Variants in GPAT3 observed in about 807,000 individuals in gnomAD.
GPAT3 encodes the protein 1-AGP acyltransferase 9.
Under a neutral mutation model 58.8 loss-of-function variants are expected in GPAT3, and 53 were observed. That is an observed-to-expected ratio of 0.90 (90% confidence interval 0.72 to 1.13). The LOEUF is 1.13. Among genes scored for constraint, GPAT3 ranks in the 50% most tolerant of loss-of-function variants. The probability of loss-of-function intolerance (pLI) is 0.00; values close to 1 mark genes in which losing one functional copy is unlikely to be tolerated. For missense variants in GPAT3, 511 were observed against 527.6 expected, an observed-to-expected ratio of 0.97 and a Z score of 0.31; for synonymous variants, 197 against 187.4, an observed-to-expected ratio of 1.05 and a Z score of -0.42.
Position 83,579,118 on chromosome 4 carries a change from CCTTCCTTCCTTT to C in GPAT3, c.209-2440_209-2429del, listed in dbSNP as rs1352777180. ...TCCTTCCTTCCTTCCTTCCTTCCTTCCTTCCTTCCTTTCTTTCTCCCTCCCTCCCTCTCTCTC... is the reference window on the plus strand; with the variant it reads ...TCCTTCCTTCCTTCCTTCCTTCCTTCCTTTCTCCCTCCCTCCCTCTCTCTC... On this transcript the variant is annotated intron_variant, in intron 2 of 11. Transcript: ENST00000264409. Among the ~76,000 whole-genome samples, 1,195 of 120,872 alleles carry C rather than the reference CCTTCCTTCCTTT, an allele frequency of 9.9e-3. 96 individuals are homozygous for C. The highest frequency in any genetic ancestry group is 0.022 in the South Asian group (70 of 3,206). The allele number at this position is 120,872 out of a possible 152,430, so 79.3% of individuals were successfully genotyped here.
At chr4:83,546,815 T>TATTAG (rs1190159536) in intron 2 of GPAT3, among the ~76,000 whole-genome samples, 1 of 152,166 alleles carries the variant, frequency 6.6e-6, no homozygotes, top group African/African-American at 2.4e-5. Context: ...TCGGCTCTGA[T>TATTAG]ATGTACTGCT....
At chr4:83,539,949 G>C (rs574879286) in intron 1 of GPAT3, among the ~76,000 whole-genome samples, 1 of 152,188 alleles carries the variant, frequency 6.6e-6, no homozygotes, top group South Asian at 2.1e-4. Flanking sequence ...CTTGAGATTA[G>C]GAATTTGAGA....
Position 83,587,353 on chromosome 4 carries a change from C to T in GPAT3, c.554+24C>T, listed in dbSNP as rs200730349. ...AGGTGAAATGTTTCCTTCCATCCAG[C>T]CATATATAGGACTGTCTTTTTTCTT... On this transcript the variant is annotated intron_variant, in intron 4 of 11. Coordinates refer to ENST00000264409, the MANE Select transcript of GPAT3 (RefSeq NM_032717.5). 232 of 1,593,290 alleles carry T rather than the reference C, an allele frequency of 1.5e-4. 1 individual carries two copies. In the East Asian group the frequency reaches 3.7e-3, roughly 25 times the overall value.
intron 2 of GPAT3, among the ~76,000 whole-genome samples, chr4:83,572,767 G>A (rs1278076523): frequency 1.3e-5 from 2 of 152,166 alleles, no homozygotes; most frequent in Admixed American, 6.5e-5. Context: ...ATTTAAAAAT[G>A]TTTGGGAAGG....
chr4:83,574,084 G>T (rs1053336368), intron 2 of GPAT3, among the ~76,000 whole-genome samples: 13 of 152,186 alleles, frequency 8.5e-5, no homozygotes, highest in African/African-American at 3.1e-4. Flanking sequence ...TTATGACTGG[G>T]TGGGGTTCTT....
chr4:83,589,085 G>T (rs62303972), intron 5 of GPAT3, among the ~76,000 whole-genome samples: 1,879 of 152,288 alleles, frequency 0.012, 15 homozygotes, highest in Middle Eastern at 0.027. Context: ...TAAATTATAT[G>T]ATGTTGCAAT....
chr4:83,536,816 C>G, intron 1 of GPAT3, 53 bp downstream of exon 1: 1 of 1,535,196 alleles, frequency 6.5e-7, no homozygotes, highest in Non-Finnish European at 8.8e-7. Context: ...GCTGAGAACC[C>G]GGGGGTCCAG....
At chr4:83,563,482 T>C (rs1247267102) in intron 2 of GPAT3, among the ~76,000 whole-genome samples, 38 of 141,438 alleles carry the variant, frequency 2.7e-4, no homozygotes, top group Non-Finnish European at 4.5e-4. Flanking sequence ...TTTCTTCTTT[T>C]TTTTTTTTTT....
chr4:83,568,222 G>T (rs932002316), intron 2 of GPAT3, among the ~76,000 whole-genome samples: 15 of 152,018 alleles, frequency 9.9e-5, no homozygotes, highest in African/African-American at 3.6e-4. Context: ...ATGTTACTAG[G>T]GGGAGCGTGA....
At position 83,596,928 on chromosome 4, in the gene GPAT3, G is replaced by A. The variant is rs757962863; in HGVS notation, c.910+15G>A. 6.3e-7 allele frequency: 1 copy of A among 1,596,930 alleles called. No homozygotes were observed. The highest frequency in any genetic ancestry group is 1.1e-5 in the South Asian group (1 of 88,242). ...TTTTCCTGAAGGTAAGAATGGGCCT[G>A]CCTCCCGAGCTATAGTTGATAACAA... On this transcript the variant is annotated intron_variant, in intron 8 of 11. Coordinates refer to ENST00000264409, the MANE Select transcript of GPAT3 (RefSeq NM_032717.5).
In GPAT3 at chr4:83,597,054, T is replaced by G. The variant is rs532243908; in HGVS notation, c.910+141T>G. The G allele has an allele frequency of 5.6e-5, 40 of 712,058 alleles. No individual in the cohort carries two copies. The South Asian group carries it at 6.7e-4, about 12-fold the overall frequency. The allele number at this position is 712,058 out of a possible 1,614,324, so 44.1% of individuals were successfully genotyped here. On this transcript the variant is annotated intron_variant, in intron 8 of 11. Transcript: ENST00000264409. ...GAATGGGATGGCACTCTCTGAGTTA[T>G]TAATTCCTTGCTTTCTTTTGAGACT...
chr4:83,587,175 A>G lies in GPAT3; in HGVS notation c.480-80A>G, dbSNP rs941367205. On this transcript the variant is annotated intron_variant, in intron 3 of 11. Transcript: ENST00000264409. ...TGTGGATACTCTACAACTTATTTAC[A>G]ATTTTATTATTTAGGAACTTTTTGG... is the stretch of plus-strand genomic sequence containing the variant. The G allele has an allele frequency of 8.9e-6, 10 of 1,125,356 alleles. No homozygotes were observed. The African/African-American group carries it at 9.4e-5, about 11-fold the overall frequency. 69.7% of individuals were successfully genotyped at this position (1,125,356 alleles called of 1,614,324 possible). A position where few individuals can be genotyped will look rare whatever the true frequency, so the allele number is the denominator to read the frequency against.
chr4:83,547,883 G>T, intron 2 of GPAT3, among the ~76,000 whole-genome samples: 1 of 141,360 alleles, frequency 7.1e-6, no homozygotes. Flanking sequence ...GATGGGGTCT[G>T]GCTGTATTGT....
chr4:83,555,095 C>T (rs898580468), intron 2 of GPAT3, among the ~76,000 whole-genome samples: 15 of 152,260 alleles, frequency 9.9e-5, no homozygotes, highest in Admixed American at 4.6e-4. Flanking sequence ...TGAGCCACTG[C>T]GCCTGGCCTC....
intron 6 of GPAT3, among the ~76,000 whole-genome samples, chr4:83,592,016 T>C (rs1560629367): frequency 1.3e-5 from 2 of 152,090 alleles, no homozygotes; most frequent in Non-Finnish European, 2.9e-5. Context: ...AGGGCTTTAA[T>C]CCATCCATGA....
Position 83,602,966 on chromosome 4 carries a change from C to T in GPAT3, c.1206-1702C>T, listed in dbSNP as rs374871264. 3.3e-5 allele frequency among the ~76,000 whole-genome samples: 5 copies of T among 152,110 alleles called. No individual in the cohort carries two copies. The East Asian group carries it at 7.7e-4, about 23-fold the overall frequency. On this transcript the variant is annotated intron_variant, in intron 11 of 11. Transcript: ENST00000264409. ...TCACAGTCTGTTTTTAAGTTGAGGA[C>T]TTATTGCTGTGTCTTAGATTTGAGT...
At chr4:83,594,792 T>G (rs189141706) in intron 6 of GPAT3, 53 bp from the exon 7 acceptor site, 4 of 1,492,886 alleles carry the variant, frequency 2.7e-6, no homozygotes, top group Middle Eastern at 1.7e-4. Context: ...TAAAAAACTT[T>G]CTTTGCACAA....
chr4:83,591,846 T>C (rs770548362), intron 6 of GPAT3, among the ~76,000 whole-genome samples: 4 of 152,176 alleles, frequency 2.6e-5, no homozygotes, highest in Non-Finnish European at 2.9e-5. Flanking sequence ...CTGTAACTTA[T>C]AATGAACAGA....
At chr4:83,553,226 T>C (rs34731545) in intron 2 of GPAT3, among the ~76,000 whole-genome samples, 12,654 of 152,230 alleles carry the variant, frequency 0.083, 600 homozygotes, top group Middle Eastern at 0.11. Flanking sequence ...ATCAGAGTTA[T>C]GGTCTTGTAA....
Sources: gnomAD v4.1 joint callset for allele counts (sites outside exome capture counted in the v4.1 genomes callset) on GRCh38, gnomAD v4.1.1 for gene constraint, MANE v1.5 for transcripts, NCBI Gene and HGNC (gene_info 2026-07-23, HGNC 2026-07-21) for gene names.